Variants in CSTF3 observed in about 807,000 individuals in gnomAD.
CSTF3 encodes the protein cleavage stimulation factor subunit 3, also known as CF-1 77 kDa subunit.
CSTF3 carries 29 observed loss-of-function variants against 105.8 expected under a neutral mutation model. The ratio of observed to expected loss-of-function variants is 0.27; its 90% CI spans 0.20 to 0.37. The LOEUF is 0.37. Among genes scored for constraint, CSTF3 ranks in the 10% least tolerant of loss-of-function variants. CSTF3 has a pLI of 1.00. For synonymous variants in CSTF3, 252 were observed against 281.9 expected (o/e 0.89, Z 1.06); for missense variants, 357 against 879.3 (o/e 0.41, Z 7.51).
At position 33,085,776 on chromosome 11, in the gene CSTF3, A is replaced by T; in HGVS notation, c.1891-3T>A. On this transcript the variant is annotated splice_region_variant and splice_polypyrimidine_tract_variant and intron_variant, in intron 19 of 20. Transcript: ENST00000323959. ...TCATCCACTTGTACAAAAGGACCCTATTTTTGACATGAATAAATTTTAATC... is the reference window on the plus strand; with the variant it reads ...TCATCCACTTGTACAAAAGGACCCTTTTTTTGACATGAATAAATTTTAATC... 1.2e-6 allele frequency: 2 copies of T among 1,613,478 alleles called. No individual in the cohort carries two copies. Among genetic ancestry groups the T allele is most frequent in the Non-Finnish European group, 8.5e-7 (1 of 1,179,420 alleles).
chr11:33,149,128 G>C (rs1855824575), intron 1 of CSTF3, among the ~76,000 whole-genome samples: 1 of 152,118 alleles, frequency 6.6e-6, no homozygotes, highest in African/African-American at 2.4e-5. Context: ...TAATAAAAGG[G>C]AATGCTCAAT....
intron 17 of CSTF3, among the ~76,000 whole-genome samples, chr11:33,089,190 A>T (rs1004378366): frequency 3.9e-5 from 6 of 152,034 alleles, no homozygotes; most frequent in Non-Finnish European, 7.4e-5. Flanking sequence ...CCACAAAAAA[A>T]TACACAAATT....
rs565317814 is a variant in CSTF3 at position 33,120,649 on chromosome 11, A to T, written c.226-12231T>A. Among the ~76,000 whole-genome samples, 17 of 152,080 alleles carry T rather than the reference A, an allele frequency of 1.1e-4. No individual in the cohort carries two copies. In the East Asian group the frequency reaches 2.3e-3, roughly 21 times the overall value. On this transcript the variant is annotated intron_variant, in intron 3 of 20. Transcript: ENST00000323959. ...GAAAACAAGCGAGTCAACATAATTT[A>T]AAAAATTCCACAAAGGCATAACGTT...
chr11:33,090,738 A>T lies in CSTF3; in HGVS notation c.1446-11T>A. Reference sequence around the variant, plus strand: ...CGGGCCCAGATTTCTCTGCAAGAAAAGAAATACAATCAATACTTTAATTAT... The same window carrying T: ...CGGGCCCAGATTTCTCTGCAAGAAATGAAATACAATCAATACTTTAATTAT... On this transcript the variant is annotated splice_polypyrimidine_tract_variant and intron_variant, in intron 16 of 20. Coordinates refer to ENST00000323959, the MANE Select transcript of CSTF3 (RefSeq NM_001326.3). The T allele has an allele frequency of 1.3e-6, 2 of 1,508,836 alleles. No homozygotes were observed. The highest frequency in any genetic ancestry group is 1.8e-6 in the Non-Finnish European group (2 of 1,128,106). The allele number at this position is 1,508,836 out of a possible 1,614,324, so 93.5% of individuals were successfully genotyped here.
In CSTF3 at chr11:33,109,754, A is replaced by G. The variant is rs138029893; in HGVS notation, c.226-1336T>C. Reference sequence around the variant, plus strand: ...AACTCAGCATGCCCTTTGAACCCATATACTCAGGGCTTTTTTTAGGTCAAG... The same window carrying G: ...AACTCAGCATGCCCTTTGAACCCATGTACTCAGGGCTTTTTTTAGGTCAAG... On this transcript the variant is annotated intron_variant, in intron 3 of 20. Transcript: ENST00000323959. Among the ~76,000 whole-genome samples the G allele has an allele frequency of 8.9e-3, 1,359 of 152,242 alleles. 5 individuals are homozygous for G. The highest frequency in any genetic ancestry group is 0.013 in the Non-Finnish European group (882 of 68,020).
intron 3 of CSTF3, among the ~76,000 whole-genome samples, chr11:33,113,386 T>C (rs1855399766): frequency 6.6e-6 from 1 of 151,806 alleles, no homozygotes; most frequent in Admixed American, 6.6e-5. Flanking sequence ...TGTGGTGGCA[T>C]ATGCCTGTAA....
chr11:33,150,398 A>C (rs1048726441), intron 1 of CSTF3, among the ~76,000 whole-genome samples: 4 of 152,126 alleles, frequency 2.6e-5, no homozygotes, highest in Admixed American at 2.0e-4. Context: ...AATAATCTAT[A>C]ATCCTAATAT....
At chr11:33,106,833 T>C (rs772769828) in intron 5 of CSTF3, among the ~76,000 whole-genome samples, 2 of 152,152 alleles carry the variant, frequency 1.3e-5, no homozygotes, top group Non-Finnish European at 2.9e-5. Context: ...ATGTGGAAAT[T>C]TGTGGTTCTC....
At chr11:33,154,683 G>A (rs1849836933) in intron 1 of CSTF3, among the ~76,000 whole-genome samples, 2 of 151,910 alleles carry the variant, frequency 1.3e-5, no homozygotes, top group African/African-American at 4.8e-5. Context: ...TTTTAGTAGA[G>A]ACGGAGTTTC....
chr11:33,117,932 C>T (rs963956580), intron 3 of CSTF3, among the ~76,000 whole-genome samples: 1 of 151,712 alleles, frequency 6.6e-6, no homozygotes, highest in African/African-American at 2.4e-5. Flanking sequence ...AACTGTTGAC[C>T]AAAACTATTT....
chr11:33,094,841 ATTTC>A (rs142605990), intron 15 of CSTF3, among the ~76,000 whole-genome samples: 84,083 of 151,456 alleles, frequency 0.56, 25,902 homozygotes, highest in Non-Finnish European at 0.69. Context: ...ATAATTGCAT[ATTTC>A]TTTCTTAAGC....
rs143421528 is a variant in CSTF3, at chr11:33,142,573, A to G, written c.28-587T>C. Among the ~76,000 whole-genome samples the G allele has an allele frequency of 8.9e-3, 1,361 of 152,280 alleles. 21 individuals are homozygous for G. Among genetic ancestry groups the G allele is most frequent in the African/African-American group, 0.031 (1,298 of 41,550 alleles). On this transcript the variant is annotated intron_variant, in intron 1 of 20. Transcript: ENST00000323959. ...AACTTACTTTTGTATTAAATACTAT[A>G]AAACAGCAGCTCTCAAACTTTATGG...
In CSTF3 at chr11:33,161,362, A is replaced by C; in HGVS notation, c.-37T>G. On this transcript the variant is annotated 5_prime_UTR_variant, in exon 1 of 21. Coordinates refer to ENST00000323959, the MANE Select transcript of CSTF3 (RefSeq NM_001326.3). The stretch of plus-strand genomic sequence containing the variant: ...ATTACAACGTGCGCACTGACCGTCG[A>C]TGGGAAGCTAGAAAAGAAAAATTAA... 6.2e-7 allele frequency: 1 copy of C among 1,610,270 alleles called. No homozygotes were observed.
chr11:33,130,851 C>A (rs1475287211), intron 3 of CSTF3, among the ~76,000 whole-genome samples: 1 of 151,956 alleles, frequency 6.6e-6, no homozygotes, highest in Admixed American at 6.6e-5. Flanking sequence ...CCAAAAACAA[C>A]AACCAACCAA....
At chr11:33,090,801 C>T (rs1855161774) in intron 16 of CSTF3, 74 bp from the exon 17 acceptor site, 2 of 921,690 alleles carry the variant, frequency 2.2e-6, no homozygotes, top group Admixed American at 3.3e-5. Context: ...ACAAAAACGC[C>T]TTAAGCTCTC....
intron 1 of CSTF3, among the ~76,000 whole-genome samples, chr11:33,159,169 G>A (rs1052132834): frequency 1.3e-5 from 2 of 152,072 alleles, no homozygotes; most frequent in Admixed American, 6.6e-5. Context: ...ATAAACATGC[G>A]TGGACCAGGC....
At chr11:33,122,479 C>G (rs1855499728) in intron 3 of CSTF3, among the ~76,000 whole-genome samples, 2 of 151,928 alleles carry the variant, frequency 1.3e-5, no homozygotes, top group Admixed American at 1.3e-4. Flanking sequence ...GTATGTGAGT[C>G]TCCTCATGTC....
At chr11:33,112,255 GAAAA>G (rs763272256) in intron 3 of CSTF3, among the ~76,000 whole-genome samples, 1 of 139,236 alleles carries the variant, frequency 7.2e-6, no homozygotes, top group East Asian at 2.0e-4. Flanking sequence ...ACTCTGTGTG[GAAAA>G]AAAAAAAAAA....
chr11:33,103,065 G>T, intron 9 of CSTF3, 42 bp downstream of exon 9: 2 of 1,262,920 alleles, frequency 1.6e-6, no homozygotes, highest in Non-Finnish European at 2.2e-6. Context: ...GTAAACAACA[G>T]ACTCATAATA....
Sources: gnomAD v4.1 joint callset for allele counts (sites outside exome capture counted in the v4.1 genomes callset) on GRCh38, gnomAD v4.1.1 for gene constraint, MANE v1.5 for transcripts, NCBI Gene and HGNC (gene_info 2026-07-23, HGNC 2026-07-21) for gene names.